EYA2: variants seen among roughly 807,000 people sequenced by gnomAD.
EYA2 encodes EYA transcriptional coactivator and phosphatase 2.
In EYA2, 31 loss-of-function variants were observed where a neutral mutation model predicts 69.2. The ratio of observed to expected loss-of-function variants is 0.45; its 90% CI spans 0.34 to 0.60. The LOEUF is 0.60. Ranked by LOEUF, EYA2 falls within the 20% of genes least tolerant of loss-of-function variation. The pLI is 0.02. For synonymous variants in EYA2, 257 were observed against 279.4 expected (o/e 0.92, Z 0.80); for missense variants, 622 against 701.2 (o/e 0.89, Z 1.28).
intron 1 of EYA2, among the ~76,000 whole-genome samples, chr20:46,975,638 G>A (rs1333619454): frequency 6.6e-6 from 1 of 152,240 alleles, no homozygotes; most frequent in Non-Finnish European, 1.5e-5. Flanking sequence ...AAACAGGCTG[G>A]GCAAGGTGGC....
At chr20:47,006,849 C>T (rs59080652) in intron 4 of EYA2, among the ~76,000 whole-genome samples, 2,720 of 152,274 alleles carry the variant, frequency 0.018, 78 homozygotes, top group African/African-American at 0.061. Context: ...ACCCAGCCCA[C>T]GTTACTCCCT....
intron 1 of EYA2, among the ~76,000 whole-genome samples, chr20:46,955,441 T>C (rs1979064026): frequency 6.6e-6 from 1 of 152,252 alleles, no homozygotes; most frequent in African/African-American, 2.4e-5. Context: ...TCTACACACT[T>C]TGGGGTTCAG....
Position 47,171,002 on chromosome 20 carries a change from GA to G in EYA2, c.1038-1701del, listed in dbSNP as rs768690472. Among the ~76,000 whole-genome samples the G allele has an allele frequency of 8.5e-5, 13 of 152,230 alleles. No individual in the cohort carries two copies. In the East Asian group the frequency reaches 9.6e-4, roughly 11 times the overall value. On this transcript the variant is annotated intron_variant, in intron 11 of 15. Transcript: ENST00000327619. ...CTGCTTCATTTTAATCAGCCATTCG[GA>G]AAATCCCTTCTGCAATCAGGACTGG... is the stretch of plus-strand genomic sequence containing the variant.
chr20:47,150,850 C>T (rs2033808610), intron 10 of EYA2, among the ~76,000 whole-genome samples: 1 of 152,006 alleles, frequency 6.6e-6, no homozygotes, highest in Non-Finnish European at 1.5e-5. Flanking sequence ...GCTCACACCC[C>T]ATTGGCCTTA....
chr20:46,931,764 G>A (rs192427046), intron 1 of EYA2, among the ~76,000 whole-genome samples: 7 of 152,164 alleles, frequency 4.6e-5, no homozygotes, highest in Admixed American at 2.0e-4. Context: ...TCGGATTTTC[G>A]CTGACCACTG....
At chr20:46,905,296 G>A (rs994610400) in intron 1 of EYA2, among the ~76,000 whole-genome samples, 3 of 152,170 alleles carry the variant, frequency 2.0e-5, no homozygotes, top group African/African-American at 7.2e-5. Flanking sequence ...TTCCAGGTCT[G>A]TGTGACCCAA....
chr20:47,141,495 T>G (rs921122614), intron 9 of EYA2, among the ~76,000 whole-genome samples: 1 of 152,240 alleles, frequency 6.6e-6, no homozygotes, highest in Non-Finnish European at 1.5e-5. Context: ...TGGAAACCAT[T>G]GTGCTGCATA....
intron 9 of EYA2, among the ~76,000 whole-genome samples, chr20:47,130,277 T>TTTTTTTG: frequency 7.4e-6 from 1 of 134,990 alleles, no homozygotes; most frequent in Non-Finnish European, 1.6e-5. Flanking sequence ...TTTTTTTTTT[T>TTTTTTTG]TTTTTGAGAC....
intron 1 of EYA2, among the ~76,000 whole-genome samples, chr20:46,940,172 T>C (rs1986092840): frequency 6.6e-6 from 1 of 152,104 alleles, no homozygotes; most frequent in Non-Finnish European, 1.5e-5. Flanking sequence ...AGCAGATGAA[T>C]AGAGGTGGGC....
Position 46,962,731 on chromosome 20 carries a change from T to C in EYA2, c.-10-27270T>C, listed in dbSNP as rs1979549080. Among the ~76,000 whole-genome samples the C allele has an allele frequency of 1.3e-5, 2 of 152,234 alleles. 1 individual carries two copies. The highest frequency in any genetic ancestry group is 4.1e-4 in the South Asian group (2 of 4,830). On this transcript the variant is annotated intron_variant, in intron 1 of 15. Transcript: ENST00000327619. ...GACTACCTTGTCGCATCCTACCACG[T>C]AACAGCAAAGTCTGATTTTCCCTTT...
intron 2 of EYA2, among the ~76,000 whole-genome samples, chr20:46,999,133 G>T (rs1982206760): frequency 6.6e-6 from 1 of 152,186 alleles, no homozygotes; most frequent in Non-Finnish European, 1.5e-5. Flanking sequence ...GTTAATTCGA[G>T]CCCATAGGAA....
At chr20:47,019,805 C>CAAA (rs11431747) in intron 5 of EYA2, among the ~76,000 whole-genome samples, 3 of 137,180 alleles carry the variant, frequency 2.2e-5, no homozygotes, top group African/African-American at 8.1e-5. Context: ...CCCATCTCTA[C>CAAA]AAAAAAAAAA....
intron 5 of EYA2, among the ~76,000 whole-genome samples, chr20:47,067,824 T>C (rs1241989388): frequency 6.6e-6 from 1 of 152,224 alleles, no homozygotes; most frequent in Admixed American, 6.5e-5. Context: ...TGTAACAAAT[T>C]CTTTTGGTTT....
intron 5 of EYA2, among the ~76,000 whole-genome samples, chr20:47,057,931 C>T (rs1255785924): frequency 6.6e-6 from 1 of 152,212 alleles, no homozygotes; most frequent in Non-Finnish European, 1.5e-5. Flanking sequence ...GGCCTGCTTC[C>T]TAGGGCTGTG....
At chr20:47,059,189 T>A (rs2030769848) in intron 5 of EYA2, among the ~76,000 whole-genome samples, 1 of 152,152 alleles carries the variant, frequency 6.6e-6, no homozygotes, top group African/African-American at 2.4e-5. Flanking sequence ...AGGGACCGGC[T>A]TCTGAGGCTG....
At chr20:47,167,060 G>A (rs1404945315) in intron 10 of EYA2, 1 of 154,770 alleles carries the variant, frequency 6.5e-6, no homozygotes. Context: ...GGGTTGGCAG[G>A]TGTGCATCGT....
rs555740074 is a variant in EYA2 at position 46,896,935 on chromosome 20, A to G, written c.-11+1948A>G. ...TATGAGAATACTCTATAAACACACA[A>G]ATCACTTCCCCAATATCAGAAAAAC... On this transcript the variant is annotated intron_variant, in intron 1 of 15. Coordinates refer to ENST00000327619, the MANE Select transcript of EYA2 (RefSeq NM_005244.5). Among the ~76,000 whole-genome samples the G allele has an allele frequency of 9.2e-5, 14 of 152,340 alleles. No individual in the cohort carries two copies. In the East Asian group the frequency reaches 2.7e-3, roughly 29 times the overall value.
chr20:47,007,184 G>A (rs1982772017), intron 4 of EYA2, among the ~76,000 whole-genome samples: 2 of 152,160 alleles, frequency 1.3e-5, no homozygotes, highest in Non-Finnish European at 2.9e-5. Context: ...TACTGCCTTG[G>A]CCTCCCAAGG....
Position 47,188,673 on chromosome 20 carries a change from T to C in EYA2, c.*540T>C, listed in dbSNP as rs903651967. The C allele has an allele frequency of 2.1e-5, 6 of 284,912 alleles. No homozygotes were observed. Among genetic ancestry groups the C allele is most frequent in the Non-Finnish European group, 3.9e-5 (6 of 152,544 alleles). 17.6% of individuals were successfully genotyped at this position (284,912 alleles called of 1,614,324 possible). ...CATTAGAGAGGAAGGCAGTTCAAGC[T>C]GTTGAAAAGACTATTGCTTATTTTT... On this transcript the variant is annotated 3_prime_UTR_variant, in exon 16 of 16. Coordinates refer to ENST00000327619, the MANE Select transcript of EYA2 (RefSeq NM_005244.5).
Sources: allele counts gnomAD v4.1 joint callset (sites outside exome capture counted in the v4.1 genomes callset), GRCh38; gene constraint gnomAD v4.1.1; transcripts MANE v1.5; gene names NCBI Gene and HGNC (gene_info 2026-07-23, HGNC 2026-07-21).